The following NLRC4 variants were observed in gnomAD, a reference collection of about 807,000 sequenced individuals.
NLRC4 encodes the protein NLR family CARD domain-containing protein 4.
NLRC4 carries 63 observed loss-of-function variants against 79.9 expected under a neutral mutation model. The observed-to-expected ratio is 0.79, with a 90% CI of 0.64 to 0.97. The LOEUF is 0.97. Among genes scored for constraint, NLRC4 ranks in the 50% least tolerant of loss-of-function variants. The pLI is 0.00. For missense variants in NLRC4, 1,074 were observed against 1,215.2 expected, an observed-to-expected ratio of 0.88 and a Z score of 1.73; for synonymous variants, 461 against 456.5, an observed-to-expected ratio of 1.01 and a Z score of -0.12.
At chr2:32,236,128 G>A in intron 7 of NLRC4, 119 bp downstream of exon 7, 1 of 588,002 alleles carries the variant, frequency 1.7e-6, no homozygotes, top group Non-Finnish European at 3.0e-6. Context: ...ATTTTCCTAA[G>A]GAGGGTGCAT....
intron 8 of NLRC4, among the ~76,000 whole-genome samples, chr2:32,226,932 T>C (rs76571118): frequency 1.2e-4 from 19 of 152,200 alleles, no homozygotes; most frequent in Admixed American, 2.6e-4. Flanking sequence ...CCCAAAACTG[T>C]CTCTCCTTAT....
Position 32,251,357 on chromosome 2 carries a change from C to A in NLRC4, c.507G>T (p.Gly169=), listed in dbSNP as rs753569393. ...GAGTGGACTTGCCTTTGCCAGATTC[C>A]CCTTCAATGATGCAGGGGCTCTGAA... ...QALQSPCIIE[G]ESGKGKSTLL... is the part of the protein sequence containing the mutation. Residue 169 remains glycine (G), a synonymous_variant, in exon 4 of 9, where the codon GGG becomes GGT. Transcript: ENST00000402280. 6.2e-7 allele frequency: 1 copy of A among 1,614,112 alleles called. No individual in the cohort carries two copies. The highest frequency in any genetic ancestry group is 8.5e-7 in the Non-Finnish European group (1 of 1,180,036).
At chr2:32,233,351 T>TATATATA (rs1448102690) in intron 8 of NLRC4, among the ~76,000 whole-genome samples, 11 of 22,600 alleles carry the variant, frequency 4.9e-4, no homozygotes, top group South Asian at 1.3e-3. Context: ...ATATATATAT[T>TATATATA]TTTTTTTTTT....
At chr2:32,238,670 G>GT (rs397694172) in intron 5 of NLRC4, among the ~76,000 whole-genome samples, 77 of 151,620 alleles carry the variant, frequency 5.1e-4, no homozygotes, top group Non-Finnish European at 6.2e-4. Context: ...ACAGCGGGGG[G>GT]GCTGAGTTCA....
intron 1 of NLRC4, among the ~76,000 whole-genome samples, chr2:32,257,108 T>A (rs909280213): frequency 6.6e-6 from 1 of 152,262 alleles, no homozygotes; most frequent in African/African-American, 2.4e-5. Context: ...GCTGGAACTT[T>A]GCCCTTCTCT....
intron 8 of NLRC4, among the ~76,000 whole-genome samples, chr2:32,227,246 T>C (rs1686425664): frequency 6.6e-6 from 1 of 152,180 alleles, no homozygotes; most frequent in South Asian, 2.1e-4. Context: ...GACTGCTCAT[T>C]TCTGGACTGT....
intron 2 of NLRC4, among the ~76,000 whole-genome samples, chr2:32,254,768 G>A (rs1249423564): frequency 7.3e-5 from 11 of 151,614 alleles, no homozygotes; most frequent in East Asian, 1.9e-4. Context: ...ACAGGCATGC[G>A]CCACCACACC....
chr2:32,252,843 C>T (rs1463080174), intron 2 of NLRC4, among the ~76,000 whole-genome samples, 164 bp from the exon 3 acceptor site: 2 of 152,014 alleles, frequency 1.3e-5, no homozygotes, highest in African/African-American at 4.8e-5. Context: ...ACAGTGAAAC[C>T]CTGTCTCTAC....
chr2:32,265,382 T>C (rs756603165), upstream of NLRC4, among the ~76,000 whole-genome samples: 1 of 152,026 alleles, frequency 6.6e-6, no homozygotes, highest in South Asian at 2.1e-4. Flanking sequence ...AATTTCACCA[T>C]GTTGGCCAGG....
intron 4 of NLRC4, among the ~76,000 whole-genome samples, chr2:32,246,286 C>G (rs1300325889): frequency 6.6e-6 from 1 of 152,186 alleles, no homozygotes; most frequent in Non-Finnish European, 1.5e-5. Flanking sequence ...TAGGTGATCA[C>G]TTTACAGGAT....
intron 8 of NLRC4, among the ~76,000 whole-genome samples, chr2:32,233,964 G>T (rs1036940798): frequency 6.6e-6 from 1 of 152,168 alleles, no homozygotes; most frequent in Non-Finnish European, 1.5e-5. Flanking sequence ...AGGTTCTCCA[G>T]TGTTGGGGAC....
chr2:32,248,428 CAG>C (rs1686989300), intron 4 of NLRC4, among the ~76,000 whole-genome samples: 1 of 152,180 alleles, frequency 6.6e-6, no homozygotes, highest in African/African-American at 2.4e-5. Flanking sequence ...ATAAGACTAA[CAG>C]AACAGACTTT....
chr2:32,236,313 G>C lies in NLRC4; in HGVS notation c.2548C>G (p.Leu850Val). The C allele has an allele frequency of 6.2e-7, 1 of 1,610,150 alleles. No individual in the cohort carries two copies. Among genetic ancestry groups the C allele is most frequent in the Non-Finnish European group, 8.5e-7 (1 of 1,177,896 alleles). Residue 850 changes from leucine (L) to valine (V), a missense_variant, in exon 7 of 9, where the codon CTG becomes GTG. By Grantham distance (32) the Leu-to-Val change is conservative. Coordinates refer to ENST00000402280, the MANE Select transcript of NLRC4 (RefSeq NM_001199138.2). The part of the protein sequence containing the change: ...LAQNLHNLVK[L>V]SILDLSENYL... ...TTTTCTGATAAATCAAGAATGCTCA[G>C]TTTGACCAAATTGTGAAGATTCTGA...
At chr2:32,225,225 T>G (rs1686352597) in intron 8 of NLRC4, among the ~76,000 whole-genome samples, 1 of 152,166 alleles carries the variant, frequency 6.6e-6, no homozygotes, top group African/African-American at 2.4e-5. Context: ...GTGAGCCTCC[T>G]TCAGTATCTA....
At chr2:32,233,193 GAA>G (rs1491575476) in intron 8 of NLRC4, among the ~76,000 whole-genome samples, 1 of 89,816 alleles carries the variant, frequency 1.1e-5, no homozygotes, top group African/African-American at 4.2e-5. Flanking sequence ...AGGAAGGAAG[GAA>G]GGGAGGGAGG....
At chr2:32,242,095 A>C (rs533421889) in intron 4 of NLRC4, among the ~76,000 whole-genome samples, 107 of 152,126 alleles carry the variant, frequency 7.0e-4, no homozygotes, top group Middle Eastern at 3.4e-3. Flanking sequence ...CTGGTCTCGG[A>C]CTCCTGAGCA....
chr2:32,251,634 C>T, intron 3 of NLRC4, 33 bp from the exon 4 acceptor site: 1 of 1,438,826 alleles, frequency 7.0e-7, no homozygotes, highest in Non-Finnish European at 9.5e-7. Flanking sequence ...AAAGAAGACC[C>T]AATTCTGTGT....
Position 32,249,674 on chromosome 2 carries a change from C to A in NLRC4, c.2190G>T (p.Arg730Ser). 1.2e-6 allele frequency: 2 copies of A among 1,613,754 alleles called. No homozygotes were observed. The highest frequency in any genetic ancestry group is 8.5e-7 in the Non-Finnish European group (1 of 1,179,822). ...EASPLTIEDERHITSVTNLKT... is the reference protein window; with the variant it reads ...EASPLTIEDESHITSVTNLKT... ...TCAGGTTTGTTACAGATGTGATGTG[C>A]CTCTCATCTTCTATGGTGAGGGGAC... Residue 730 changes from arginine (R) to serine (S), a missense_variant, in exon 4 of 9, where the codon AGG becomes AGT. By Grantham distance (110) the Arg-to-Ser change is moderately radical. Transcript: ENST00000402280.
intron 5 of NLRC4, among the ~76,000 whole-genome samples, chr2:32,240,513 A>G (rs994458762): frequency 2.0e-5 from 3 of 151,370 alleles, no homozygotes; most frequent in Admixed American, 6.6e-5. Flanking sequence ...GTGGTAAGCC[A>G]TGTGTTCTGC....
Sources: gnomAD v4.1 joint callset for allele counts (sites outside exome capture counted in the v4.1 genomes callset) on GRCh38, gnomAD v4.1.1 for gene constraint, MANE v1.5 for transcripts, NCBI Gene and HGNC (gene_info 2026-07-23, HGNC 2026-07-21) for gene names.